TFB2M: variants seen among roughly 807,000 people sequenced by gnomAD.
TFB2M encodes the protein dimethyladenosine transferase 2, mitochondrial.
In TFB2M, 44 loss-of-function variants were observed where a neutral mutation model predicts 41.3. The observed-to-expected ratio is 1.07, with a 90% CI of 0.84 to 1.37. The LOEUF is 1.37. Ranked by LOEUF, TFB2M falls within the 40% of genes most tolerant of loss-of-function variation. The pLI, the probability that TFB2M is intolerant of heterozygous loss-of-function variation, is 0.00. For missense variants in TFB2M, 496 were observed against 490.2 expected (o/e 1.01, Z -0.11); for synonymous variants, 188 against 176.8 (o/e 1.06, Z -0.50).
intron 6 of TFB2M, among the ~76,000 whole-genome samples, chr1:246,545,908 C>T (rs1184852804): frequency 6.6e-6 from 1 of 151,914 alleles, no homozygotes; most frequent in Non-Finnish European, 1.5e-5. Flanking sequence ...CCAACTGAGC[C>T]ACCTCACATC....
In TFB2M at chr1:246,564,379, G is replaced by C. The variant is rs145230867; in HGVS notation, c.369C>G (p.Leu123=). The part of the protein sequence containing the change: ...LLEAGAKVVA[L]ESDKTFIPHL... The stretch of plus-strand genomic sequence containing the variant: ...GTGGAATAAAAGTTTTGTCACTTTC[G>C]AGCGCAACCACTTTGGCACCAGCTT... The change falls in exon 2 of 8, where the codon CTC becomes CTG. Residue 123 remains leucine, a synonymous_variant. Transcript: ENST00000366514. 1.1e-3 allele frequency: 1,761 copies of C among 1,614,024 alleles called. 28 individuals carry two copies. The African/African-American group carries it at 0.02, about 19-fold the overall frequency.
chr1:246,556,494 T>C, intron 4 of TFB2M, 79 bp downstream of exon 4: 2 of 1,095,590 alleles, frequency 1.8e-6, no homozygotes, highest in South Asian at 2.2e-5. Context: ...GAGCCCTAAA[T>C]TAAAATCGCA....
intron 4 of TFB2M, among the ~76,000 whole-genome samples, chr1:246,555,598 A>T (rs1271061091): frequency 6.6e-6 from 1 of 152,092 alleles, no homozygotes; most frequent in Non-Finnish European, 1.5e-5. Flanking sequence ...ATCAAACAAA[A>T]AACAAAAAAC....
At chr1:246,544,500 G>T in intron 7 of TFB2M, 21 bp downstream of exon 7, 1 of 1,571,280 alleles carries the variant, frequency 6.4e-7, no homozygotes, top group Non-Finnish European at 8.6e-7. Context: ...CTTTATACTT[G>T]CTTTTATTCT....
intron 2 of TFB2M, among the ~76,000 whole-genome samples, chr1:246,557,876 G>A (rs1261985986): frequency 3.9e-5 from 6 of 152,110 alleles, no homozygotes; most frequent in Non-Finnish European, 8.8e-5. Context: ...TCACCATGTT[G>A]GCCAGGAGAG....
intron 4 of TFB2M, 132 bp from the exon 5 acceptor site, chr1:246,551,434 A>C: frequency 1.5e-6 from 1 of 653,970 alleles, no homozygotes; most frequent in East Asian, 2.8e-5. Flanking sequence ...TAGATGCAAA[A>C]AGCCGGGTGC....
rs969664484 is a variant in TFB2M, at chr1:246,551,963, A to G, written c.706-661T>C. ...TGGCTAGCAAATATGTATTTACTAA[A>G]TGGGTCTGGGGGAGCAAATCATCCC... On this transcript the variant is annotated intron_variant, in intron 4 of 7. Transcript: ENST00000366514. 5.9e-5 allele frequency among the ~76,000 whole-genome samples: 9 copies of G among 152,314 alleles called. No individual in the cohort carries two copies. In the East Asian group the frequency reaches 1.7e-3, roughly 29 times the overall value.
Position 246,566,163 on chromosome 1 carries a change from A to T in TFB2M, c.-25T>A. 6.3e-7 allele frequency: 1 copy of T among 1,592,772 alleles called. No homozygotes were observed. Among genetic ancestry groups the T allele is most frequent in the Non-Finnish European group, 8.6e-7 (1 of 1,165,522 alleles). ...TGTCCTTGTCTCTCAGGCCCGCTCC[A>T]AGAATCACCTAGTGCAGCTACTACA... On this transcript the variant is annotated 5_prime_UTR_variant, in exon 1 of 8. Transcript: ENST00000366514.
chr1:246,554,162 A>G (rs544277498), intron 4 of TFB2M, among the ~76,000 whole-genome samples: 2 of 152,354 alleles, frequency 1.3e-5, no homozygotes, highest in South Asian at 2.1e-4. Context: ...CTGAAACCAT[A>G]AGCAAAATTT....
chr1:246,550,365 G>A (rs968065193), intron 5 of TFB2M, among the ~76,000 whole-genome samples: 3 of 152,102 alleles, frequency 2.0e-5, no homozygotes, highest in Non-Finnish European at 4.4e-5. Context: ...GAAAAATGAT[G>A]AGAGCATGAC....
chr1:246,540,894 A>T lies in TFB2M; in HGVS notation c.*137T>A. On this transcript the variant is annotated 3_prime_UTR_variant, in exon 8 of 8. Transcript: ENST00000366514. ...TCCAATAAGCCAATGATATCAGCTT[A>T]GGAGAAATGATCTGCCTGGCTTGTG... 1.4e-6 allele frequency: 1 copy of T among 717,916 alleles called. No homozygotes were observed. Among genetic ancestry groups the T allele is most frequent in the Non-Finnish European group, 2.2e-6 (1 of 446,698 alleles). The allele number at this position is 717,916 out of a possible 1,614,324, so 44.5% of individuals were successfully genotyped here.
At chr1:246,542,796 C>A (rs1475760627) in intron 7 of TFB2M, among the ~76,000 whole-genome samples, 3 of 151,972 alleles carry the variant, frequency 2.0e-5, no homozygotes, top group Non-Finnish European at 4.4e-5. Context: ...CCTTATTTCC[C>A]TATTTTCTTG....
rs766676419 is a variant in TFB2M, at chr1:246,557,494, T to G, written c.443A>C (p.His148Pro). The change falls in exon 3 of 8, where the codon CAC becomes CCC. Residue 148 changes from histidine (H) to proline (P), a missense_variant. His to Pro is a moderately conservative substitution (Grantham distance 77). Coordinates refer to ENST00000366514, the MANE Select transcript of TFB2M (RefSeq NM_022366.3). ...KNLDGKLRVI[H>P]CDFFKLDPRS... ...AGGATCTAGTTTAAAGAAGTCACAG[T>G]GAATCACTCGTAGTTTTCCATCCAG... is the stretch of plus-strand genomic sequence containing the variant. 1.9e-6 allele frequency: 3 copies of G among 1,611,758 alleles called. No homozygotes were observed. The highest frequency in any genetic ancestry group is 2.2e-5 in the South Asian group (2 of 90,354).
intron 4 of TFB2M, among the ~76,000 whole-genome samples, chr1:246,555,891 A>C (rs527737117): frequency 6.6e-6 from 1 of 152,160 alleles, no homozygotes; most frequent in South Asian, 2.1e-4. Context: ...CCCAGGTTCA[A>C]GTGATTCTCC....
chr1:246,557,816 C>G (rs1415069770), intron 2 of TFB2M, among the ~76,000 whole-genome samples: 1 of 151,832 alleles, frequency 6.6e-6, no homozygotes, highest in African/African-American at 2.4e-5. Flanking sequence ...ACTACAGGTG[C>G]GTGCCACCAC....
rs745355013 is a variant in TFB2M, at chr1:246,557,552, T to C, written c.403-18A>G. On this transcript the variant is annotated intron_variant, in intron 2 of 7. Transcript: ENST00000366514. ...CCTAAGGACTAAAGAGAGACAAAGA[T>C]AACACGTTAAAAATTTTCAGCATTA... 3 of 1,547,962 alleles carry C rather than the reference T, an allele frequency of 1.9e-6. No individual in the cohort carries two copies. Among genetic ancestry groups the C allele is most frequent in the African/African-American group, 1.4e-5 (1 of 71,402 alleles).
At chr1:246,550,788 C>A (rs1016886433) in intron 5 of TFB2M, among the ~76,000 whole-genome samples, 1 of 152,144 alleles carries the variant, frequency 6.6e-6, no homozygotes, top group Admixed American at 6.5e-5. Context: ...GAGGCCGAGG[C>A]AGGGGAATTG....
At chr1:246,561,042 T>C (rs1270161474) in intron 2 of TFB2M, among the ~76,000 whole-genome samples, 1 of 152,206 alleles carries the variant, frequency 6.6e-6, no homozygotes. Context: ...GAACAAACTT[T>C]AGGTGGCCAG....
At chr1:246,542,126 GAAAAGATACAGT>G (rs1658874426) in intron 7 of TFB2M, among the ~76,000 whole-genome samples, 1 of 151,998 alleles carries the variant, frequency 6.6e-6, no homozygotes, top group African/African-American at 2.4e-5. Flanking sequence ...GTAAGTAATA[GAAAAGATACAGT>G]AAAAGATACA....
Sources: gnomAD v4.1 joint callset for allele counts (sites outside exome capture counted in the v4.1 genomes callset) on GRCh38, gnomAD v4.1.1 for gene constraint, MANE v1.5 for transcripts, NCBI Gene and HGNC (gene_info 2026-07-23, HGNC 2026-07-21) for gene names.